Variants in CHD9 observed in about 807,000 individuals in gnomAD.
CHD9 encodes chromodomain helicase DNA binding protein 9.
CHD9 carries 77 observed loss-of-function variants against 316.1 expected under a neutral mutation model. That is an observed-to-expected ratio of 0.24 (90% confidence interval 0.20 to 0.29). The LOEUF (loss-of-function observed/expected upper bound fraction) is 0.29, where lower values mean the gene tolerates loss of function less well. CHD9 is among the 10% of genes least tolerant of loss of function. The pLI, the probability that CHD9 is intolerant of heterozygous loss-of-function variation, is 1.00. For synonymous variants in CHD9, 1,129 were observed against 1,158.3 expected (o/e 0.97, Z 0.51); for missense variants, 2,763 against 3,438.1 (o/e 0.80, Z 4.91).
chr16:53,152,297 T>TG (rs2041186572), intron 1 of CHD9, among the ~76,000 whole-genome samples: 1 of 152,208 alleles, frequency 6.6e-6, no homozygotes. Flanking sequence ...AGCATTCTCT[T>TG]GGTTGTTATA....
In CHD9 at chr16:53,307,681, G is replaced by T; in HGVS notation, c.6781G>T (p.Asp2261Tyr). The stretch of plus-strand genomic sequence containing the variant: ...ACTTTGATGTTGCACGCTTTTCTAG[G>T]ATCGTGTGATGATCAATAGGTTGGA... ...YMLAASYWPK[D>Y]RVMINRLDSI... The change falls in exon 33 of 39, where the codon GAT becomes TAT. Residue 2261 changes from aspartate to tyrosine, a missense_variant and splice_region_variant. Physicochemically the swap from Asp to Tyr is radical, Grantham distance 160. Around this residue, in one of 15 missense-constraint regions of CHD9, gnomAD observed 663 missense variants for 751.2 expected, o/e 0.88. Coordinates refer to ENST00000447540, the MANE Select transcript of CHD9 (RefSeq NM_001308319.2). 6.2e-7 allele frequency: 1 copy of T among 1,600,404 alleles called. No individual in the cohort carries two copies. The highest frequency in any genetic ancestry group is 1.1e-5 in the South Asian group (1 of 88,940).
At chr16:53,111,505 A>G (rs2037864500) in intron 1 of CHD9, among the ~76,000 whole-genome samples, 1 of 152,220 alleles carries the variant, frequency 6.6e-6, no homozygotes, top group Non-Finnish European at 1.5e-5. Flanking sequence ...AAATTCTTTG[A>G]GGCCTGTAGT....
At chr16:53,095,435 G>A (rs1001538079) in intron 1 of CHD9, among the ~76,000 whole-genome samples, 1 of 151,952 alleles carries the variant, frequency 6.6e-6, no homozygotes, top group Non-Finnish European at 1.5e-5. Context: ...TGTAGTCCCA[G>A]CTACTTGGGA....
chr16:53,299,823 T>C (rs1203588551), intron 30 of CHD9: 2 of 159,606 alleles, frequency 1.3e-5, no homozygotes, highest in Non-Finnish European at 2.7e-5. Flanking sequence ...TCCATAGCTT[T>C]CTAGTGGAGA....
intron 22 of CHD9, among the ~76,000 whole-genome samples, chr16:53,271,450 T>C (rs1416330505): frequency 6.6e-6 from 1 of 151,782 alleles, no homozygotes; most frequent in Non-Finnish European, 1.5e-5. Flanking sequence ...GTGCCTGTAA[T>C]CCCAGCTACT....
chr16:53,202,653 A>C (rs566249202), intron 2 of CHD9, among the ~76,000 whole-genome samples: 33 of 152,282 alleles, frequency 2.2e-4, no homozygotes, highest in Non-Finnish European at 4.7e-4. Context: ...GTATTTAAAA[A>C]AGAAACAAAA....
At chr16:53,210,267 C>A (rs1488647375) in intron 3 of CHD9, among the ~76,000 whole-genome samples, 3 of 138,174 alleles carry the variant, frequency 2.2e-5, no homozygotes, top group Non-Finnish European at 3.1e-5. Context: ...AATAAAACCA[C>A]AACTTTGGAC....
At chr16:53,323,996 T>C in intron 38 of CHD9, 24 bp from the exon 39 acceptor site, 1 of 1,559,790 alleles carries the variant, frequency 6.4e-7, no homozygotes, top group Non-Finnish European at 8.8e-7. Flanking sequence ...GTAGGGATTA[T>C]TAATGAATAT....
At chr16:53,168,628 T>A (rs1215568672) in intron 2 of CHD9, 1 of 152,186 alleles carries the variant, frequency 6.6e-6, no homozygotes, top group Non-Finnish European at 1.5e-5. Context: ...AGAGCACCTA[T>A]TGTGTATTAG....
intron 1 of CHD9, among the ~76,000 whole-genome samples, chr16:53,107,478 A>ATAAAG (rs1372618195): frequency 7.0e-6 from 1 of 143,302 alleles, no homozygotes; most frequent in Non-Finnish European, 1.5e-5. Context: ...ATAAAATAAA[A>ATAAAG]TAAAATAAAA....
At chr16:53,081,814 T>C (rs2035040251) in intron 1 of CHD9, among the ~76,000 whole-genome samples, 1 of 149,990 alleles carries the variant, frequency 6.7e-6, no homozygotes, top group Non-Finnish European at 1.5e-5. Flanking sequence ...GGCTGGTAAG[T>C]GATCTGTTTA....
chr16:53,240,832 T>A (rs926048465), intron 12 of CHD9, among the ~76,000 whole-genome samples: 2 of 152,142 alleles, frequency 1.3e-5, no homozygotes, highest in African/African-American at 4.8e-5. Context: ...ATATCAACCT[T>A]GTAAAATAGA....
chr16:53,227,254 A>G (rs2047735231), intron 5 of CHD9, 142 bp from the exon 6 acceptor site: 1 of 566,492 alleles, frequency 1.8e-6, no homozygotes, highest in Non-Finnish European at 3.1e-6. Context: ...TCATTTTTGT[A>G]TTTCTAACAC....
intron 3 of CHD9, among the ~76,000 whole-genome samples, chr16:53,217,748 A>C (rs2046880097): frequency 6.6e-6 from 1 of 152,020 alleles, no homozygotes. Context: ...CTCTCTCTAG[A>C]TAGATAGATC....
intron 1 of CHD9, among the ~76,000 whole-genome samples, chr16:53,127,329 T>C (rs2039015012): frequency 1.3e-5 from 2 of 152,202 alleles, no homozygotes; most frequent in Non-Finnish European, 2.9e-5. Flanking sequence ...TGATTCATAT[T>C]CCTCAAACTT....
intron 1 of CHD9, among the ~76,000 whole-genome samples, chr16:53,103,641 G>A (rs184561536): frequency 6.6e-6 from 1 of 152,280 alleles, no homozygotes; most frequent in Admixed American, 6.5e-5. Context: ...CAGATGAGGG[G>A]GTAGAGCTAG....
At chr16:53,123,722 G>A (rs949589397) in intron 1 of CHD9, among the ~76,000 whole-genome samples, 4 of 151,846 alleles carry the variant, frequency 2.6e-5, no homozygotes, top group South Asian at 2.1e-4. Context: ...TGCTGGTCTC[G>A]AACTCCTGAC....
chr16:53,183,205 C>T (rs2043675317), intron 2 of CHD9, among the ~76,000 whole-genome samples: 1 of 152,120 alleles, frequency 6.6e-6, no homozygotes, highest in South Asian at 2.1e-4. Context: ...AAACCTACCA[C>T]CTAGGTTTAA....
intron 1 of CHD9, among the ~76,000 whole-genome samples, chr16:53,078,862 A>C (rs1042400343): frequency 6.6e-6 from 1 of 152,186 alleles, no homozygotes; most frequent in African/African-American, 2.4e-5. Context: ...CAATTCAGAG[A>C]AAAGCAAGAG....
Sources: allele counts gnomAD v4.1 joint callset (sites outside exome capture counted in the v4.1 genomes callset), GRCh38; gene constraint gnomAD v4.1.1; regional missense constraint gnomAD v4.1.1; transcripts MANE v1.5; gene names NCBI Gene and HGNC (gene_info 2026-07-23, HGNC 2026-07-21).